Variants in LOX observed in about 807,000 individuals in gnomAD.
LOX encodes the protein lysyl oxidase.
A neutral mutation model predicts 50.5 loss-of-function variants in LOX; 12 were observed. The ratio of observed to expected loss-of-function variants is 0.24; its 90% CI spans 0.15 to 0.38. The LOEUF is 0.38. LOX is among the 10% of genes least tolerant of loss of function. LOX has a pLI of 1.00. For synonymous variants in LOX, 254 were observed against 230.6 expected (o/e 1.10, Z -0.92); for missense variants, 504 against 563.8 (o/e 0.89, Z 1.07).
intron 6 of LOX, among the ~76,000 whole-genome samples, chr5:122,067,698 C>T (rs1754335571): frequency 6.6e-6 from 1 of 152,126 alleles, no homozygotes; most frequent in South Asian, 2.1e-4. Context: ...TTGTCCAACT[C>T]GTAACTCCAC....
rs1306369201 is a variant in LOX at position 122,066,202 on chromosome 5, C to CTAT, written c.*538_*540dup. The stretch of plus-strand genomic sequence containing the variant: ...GAGTACATGTATTGCCATTTCTCTG[C>CTAT]TATATAGTAATATTTCTTGACACCA... On this transcript the variant is annotated 3_prime_UTR_variant, in exon 7 of 7. Coordinates refer to ENST00000231004, the MANE Select transcript of LOX (RefSeq NM_002317.7). 1 of 152,162 alleles carries CTAT rather than the reference C, an allele frequency of 6.6e-6. No individual in the cohort carries two copies. The highest frequency in any genetic ancestry group is 1.5e-5 in the Non-Finnish European group (1 of 68,024). 9.4% of individuals were successfully genotyped at this position (152,162 alleles called of 1,614,324 possible). A position where few individuals can be genotyped will look rare whatever the true frequency, so the allele number is the denominator to read the frequency against.
intron 6 of LOX, among the ~76,000 whole-genome samples, chr5:122,068,826 AAATG>A (rs1286727113): frequency 6.6e-6 from 1 of 152,126 alleles, no homozygotes; most frequent in African/African-American, 2.4e-5. Flanking sequence ...ATGAATAAAT[AAATG>A]GAGAATGGAT....
In LOX at chr5:122,065,988, A is replaced by T. The variant is rs962563008; in HGVS notation, c.*755T>A. On this transcript the variant is annotated 3_prime_UTR_variant, in exon 7 of 7. Transcript: ENST00000231004. ...AATCCCACTTACAACATCTCTGCCC[A>T]TGGGAAAGATAAAATGATAGAGGGC... 1 of 152,106 alleles carries T rather than the reference A, an allele frequency of 6.6e-6. No homozygotes were observed. The highest frequency in any genetic ancestry group is 2.4e-5 in the African/African-American group (1 of 41,436). The allele number at this position is 152,106 out of a possible 1,614,324, so 9.4% of individuals were successfully genotyped here.
At chr5:122,072,193 C>T (rs1383974599) in intron 4 of LOX, among the ~76,000 whole-genome samples, 1 of 152,120 alleles carries the variant, frequency 6.6e-6, no homozygotes. Context: ...CTTATCTTGC[C>T]TTCAAATAGA....
intron 4 of LOX, among the ~76,000 whole-genome samples, chr5:122,073,752 G>A (rs1754526544): frequency 6.6e-6 from 1 of 152,106 alleles, no homozygotes; most frequent in Non-Finnish European, 1.5e-5. Flanking sequence ...GGATCATCAA[G>A]CCATCATTTG....
At position 122,064,691 on chromosome 5, in the gene LOX, T is replaced by G. The variant is rs1410101835; in HGVS notation, c.*2052A>C. On this transcript the variant is annotated 3_prime_UTR_variant, in exon 7 of 7. Coordinates refer to ENST00000231004, the MANE Select transcript of LOX (RefSeq NM_002317.7). ...AACCTTATGGGTAATAATGGGATTT[T>G]TAATACTTATTGAGGTTATAGACAG... is the stretch of plus-strand genomic sequence containing the variant. 6.6e-6 allele frequency: 1 copy of G among 151,998 alleles called. No homozygotes were observed. Among genetic ancestry groups the G allele is most frequent in the Non-Finnish European group, 1.5e-5 (1 of 67,948 alleles). The allele number at this position is 151,998 out of a possible 1,614,324, so 9.4% of individuals were successfully genotyped here.
chr5:122,076,669 A>C (rs527967838), intron 2 of LOX, among the ~76,000 whole-genome samples: 2 of 152,292 alleles, frequency 1.3e-5, no homozygotes, highest in African/African-American at 2.4e-5. Flanking sequence ...GGTTTCCTCC[A>C]CCTCTGTGAT....
In LOX at chr5:122,066,540, A is replaced by T. The variant is rs1561415370; in HGVS notation, c.*203T>A. The T allele has an allele frequency of 1.2e-5, 6 of 499,520 alleles. 1 individual carries two copies. In the South Asian group the frequency reaches 2.0e-4, roughly 17 times the overall value. 30.9% of individuals were successfully genotyped at this position (499,520 alleles called of 1,614,324 possible). A position where few individuals can be genotyped will look rare whatever the true frequency, so the allele number is the denominator to read the frequency against. On this transcript the variant is annotated 3_prime_UTR_variant, in exon 7 of 7. Transcript: ENST00000231004. ...TCACAAAGTGATGTAAATAATAAAC[A>T]TTAAAAATTTCCCAAGTAATGATGA... is the stretch of plus-strand genomic sequence containing the variant.
At chr5:122,066,782 T>C (rs1447015615) in intron 6 of LOX, 33 bp from the exon 7 acceptor site, 1 of 1,398,798 alleles carries the variant, frequency 7.1e-7, no homozygotes, top group Admixed American at 1.7e-5. Context: ...GACAAATTAT[T>C]AACCTGATAA....
rs1390594794 is a variant in LOX, at chr5:122,077,618, T to C, written c.368A>G (p.His123Arg). The part of the protein sequence containing the change: ...TAGRPRPTAR[H>R]WFQAGYSTSR... The stretch of plus-strand genomic sequence containing the variant: ...TGTCGAGTAGCCAGCTTGGAACCAG[T>C]GACGGGCGGTGGGCCTGGGGCGGCC... The change falls in exon 1 of 7, where the codon CAC becomes CGC. Residue 123 changes from histidine (H) to arginine (R), a missense_variant. Physicochemically the swap from His to Arg is conservative, Grantham distance 29. Transcript: ENST00000231004. This position sits in a 1 kb window ranked among gnomAD's most constrained non-coding sequence, Gnocchi z 4.9. The C allele has an allele frequency of 6.2e-7, 1 of 1,611,798 alleles. No homozygotes were observed. The highest frequency in any genetic ancestry group is 1.7e-5 in the Admixed American group (1 of 59,982).
rs79582421 is a variant in LOX at position 122,064,850 on chromosome 5, A to G, written c.*1893T>C. 1.3e-5 allele frequency: 2 copies of G among 152,054 alleles called. No homozygotes were observed. Among genetic ancestry groups the G allele is most frequent in the Non-Finnish European group, 2.9e-5 (2 of 67,974 alleles). The allele number at this position is 152,054 out of a possible 1,614,324, so 9.4% of individuals were successfully genotyped here. The stretch of plus-strand genomic sequence containing the variant: ...TGTCTTCTCCTATGTATCCATGATG[A>G]TATTGCCTAGTTTTTAATACAAGCT... On this transcript the variant is annotated 3_prime_UTR_variant, in exon 7 of 7. Coordinates refer to ENST00000231004, the MANE Select transcript of LOX (RefSeq NM_002317.7).
chr5:122,072,040 G>C (rs1220562531), intron 4 of LOX, among the ~76,000 whole-genome samples: 4 of 152,140 alleles, frequency 2.6e-5, no homozygotes, highest in Non-Finnish European at 5.9e-5. Context: ...TCTGATTCCA[G>C]CATACAATTC....
rs1343026995 is a variant in LOX, at chr5:122,077,104, G to A, written c.632-103C>T. ...CCTTACTCCTCACCCTTCGCCCACC[G>A]GGACTGCAGAGTGGAGCGGAGGACA... On this transcript the variant is annotated intron_variant, in intron 1 of 6. Coordinates refer to ENST00000231004, the MANE Select transcript of LOX (RefSeq NM_002317.7). The surrounding 1 kb of genome is among the most constrained non-coding windows in gnomAD (Gnocchi z 4.9). 6.6e-7 allele frequency: 1 copy of A among 1,519,950 alleles called. No homozygotes were observed. Among genetic ancestry groups the A allele is most frequent in the Non-Finnish European group, 8.8e-7 (1 of 1,138,220 alleles). The allele number at this position is 1,519,950 out of a possible 1,614,324, so 94.2% of individuals were successfully genotyped here.
At chr5:122,076,805 G>T in intron 2 of LOX, 88 bp downstream of exon 2, 1 of 1,145,196 alleles carries the variant, frequency 8.7e-7, no homozygotes. Context: ...ACACTTGTCT[G>T]CGCGAAGCAG....
rs1454108354 is a variant in LOX at position 122,064,724 on chromosome 5, T to C, written c.*2019A>G. 6.6e-6 allele frequency: 1 copy of C among 152,040 alleles called. No individual in the cohort carries two copies. Among genetic ancestry groups the C allele is most frequent in the East Asian group, 1.9e-4 (1 of 5,186 alleles). 9.4% of individuals were successfully genotyped at this position (152,040 alleles called of 1,614,324 possible). ...TATTGAGGTTATAGACAGTCTTTTT[T>C]ATGTCTCAATGCATACCATGTGAGT... On this transcript the variant is annotated 3_prime_UTR_variant, in exon 7 of 7. Transcript: ENST00000231004.
chr5:122,078,018 A>G lies in LOX; in HGVS notation c.-33T>C, dbSNP rs2152591818. On this transcript the variant is annotated 5_prime_UTR_variant, in exon 1 of 7. Coordinates refer to ENST00000231004, the MANE Select transcript of LOX (RefSeq NM_002317.7). ...TTTGCCAGATTGACCCCGCTCGAGG[A>G]GGACGTGGCTCACAGAAAATAAAAA... The G allele has an allele frequency of 3.5e-6, 5 of 1,436,706 alleles. No individual in the cohort carries two copies. In the East Asian group the frequency reaches 1.1e-4, roughly 31 times the overall value. 89.0% of individuals were successfully genotyped at this position (1,436,706 alleles called of 1,614,324 possible).
In LOX at chr5:122,070,149, T is replaced by A. The variant is rs1339063541; in HGVS notation, c.1151A>T (p.Tyr384Phe). 6.2e-7 allele frequency: 1 copy of A among 1,611,318 alleles called. No individual in the cohort carries two copies. The highest frequency in any genetic ancestry group is 8.5e-7 in the Non-Finnish European group (1 of 1,177,698). ...GGTATAGTCAGATTCAGGAACCAGG[T>A]AGCTGGGGTTTACACTGACCTGGGC... ...YILKVSVNPS[Y>F]LVPESDYTNN... is the part of the protein sequence containing the mutation. The change falls in exon 6 of 7, where the codon TAC becomes TTC. Residue 384 changes from tyrosine (Y) to phenylalanine (F), a missense_variant. Coordinates refer to ENST00000231004, the MANE Select transcript of LOX (RefSeq NM_002317.7).
rs748722944 is a variant in LOX, at chr5:122,077,666, G to A, written c.320C>T (p.Ala107Val). The change falls in exon 1 of 7, where the codon GCC (alanine) becomes GTC (valine). Residue 107 changes from alanine (A) to valine (V), a missense_variant. By Grantham distance (64) the Ala-to-Val change is moderately conservative. Coordinates refer to ENST00000231004, the MANE Select transcript of LOX (RefSeq NM_002317.7). This position sits in a 1 kb window ranked among gnomAD's most constrained non-coding sequence, Gnocchi z 4.9. The part of the protein sequence containing the change: ...NRTAAARTRT[A>V]GSSGVTAGRP... ...GCCAGCGGTGACTCCAGATGAGCCG[G>A]CCGTCCGCGTTCGCGCCGCGGCGGT... The A allele has an allele frequency of 1.2e-6, 2 of 1,605,260 alleles. No individual in the cohort carries two copies. Among genetic ancestry groups the A allele is most frequent in the South Asian group, 1.1e-5 (1 of 90,644 alleles).
At position 122,063,355 on chromosome 5, in the gene LOX, A is replaced by G. The variant is rs1031965672; in HGVS notation, c.*3388T>C. On this transcript the variant is annotated 3_prime_UTR_variant, in exon 7 of 7. Coordinates refer to ENST00000231004, the MANE Select transcript of LOX (RefSeq NM_002317.7). The stretch of plus-strand genomic sequence containing the variant: ...AAAAGTTACACGTCTTACAAATAAC[A>G]TTCCTGAAAAATTTGGGAGAAGCTA... 1.3e-5 allele frequency: 2 copies of G among 151,964 alleles called. No individual in the cohort carries two copies. Among genetic ancestry groups the G allele is most frequent in the East Asian group, 1.9e-4 (1 of 5,182 alleles). 9.4% of individuals were successfully genotyped at this position (151,964 alleles called of 1,614,324 possible).
Sources: gnomAD v4.1 joint callset for allele counts (sites outside exome capture counted in the v4.1 genomes callset) on GRCh38, gnomAD v4.1.1 for gene constraint, Gnocchi (gnomAD v3.1) non-coding constraint, MANE v1.5 for transcripts, NCBI Gene and HGNC (gene_info 2026-07-23, HGNC 2026-07-21) for gene names.